The following RTCB variants were observed in gnomAD, a reference collection of about 807,000 sequenced individuals.
RTCB encodes RNA 2',3'-cyclic phosphate and 5'-OH ligase.
In RTCB, 32 loss-of-function variants were observed where a neutral mutation model predicts 58.2. The ratio of observed to expected loss-of-function variants is 0.55; its 90% CI spans 0.41 to 0.74. RTCB has a LOEUF of 0.74. RTCB is among the 30% of genes least tolerant of loss of function. The pLI is 0.00. For synonymous variants in RTCB, 247 were observed against 218.6 expected (o/e 1.13, Z -1.15); for missense variants, 523 against 639.0 (o/e 0.82, Z 1.96).
intron 10 of RTCB, among the ~76,000 whole-genome samples, chr22:32,393,451 A>C (rs898327708): frequency 1.3e-5 from 2 of 152,192 alleles, no homozygotes; most frequent in Non-Finnish European, 2.9e-5. Flanking sequence ...TGTAGACTGT[A>C]CATGGGCTCT....
intron 8 of RTCB, 28 bp downstream of exon 8, chr22:32,396,046 C>T (rs1049076193): frequency 5.0e-6 from 8 of 1,608,692 alleles, no homozygotes; most frequent in Admixed American, 1.7e-5. Context: ...ATGAATGACT[C>T]GGAACAGAAG....
In RTCB at chr22:32,399,755, A is replaced by T; in HGVS notation, c.502T>A (p.Leu168Met). 6.2e-7 allele frequency: 1 copy of T among 1,613,340 alleles called. No individual in the cohort carries two copies. Among genetic ancestry groups the T allele is most frequent in the Non-Finnish European group, 8.5e-7 (1 of 1,179,650 alleles). Residue 168 changes from leucine to methionine, a missense_variant, in exon 6 of 12, where the codon TTG (leucine) becomes ATG (methionine). Leu to Met is a conservative substitution (Grantham distance 15). Around this residue, in one of 3 missense-constraint regions of RTCB, gnomAD observed 141 missense variants for 216.7 expected, o/e 0.65. Coordinates refer to ENST00000216038, the MANE Select transcript of RTCB (RefSeq NM_014306.5). ...KGVIPMNAKD[L>M]EEALEMGVDW... ...ACCCCCATCTCCAAGGCCTCCTCCA[A>T]GTCTCTGGATAAGTATAAAAGGTGC...
chr22:32,396,308 A>T, intron 7 of RTCB, 59 bp from the exon 8 acceptor site: 5 of 1,525,974 alleles, frequency 3.3e-6, no homozygotes, highest in Non-Finnish European at 4.5e-6. Flanking sequence ...AACAGTTCAG[A>T]TTTACTGCAG....
In RTCB at chr22:32,408,374, T is replaced by A. The variant is rs1300108629; in HGVS notation, c.173-132A>T. Reference sequence around the variant, plus strand: ...ACTAAGACAACAAAGCCTAGAAGGATGTTTGAGATGCAAGATGGAAGGGAG... The same window carrying A: ...ACTAAGACAACAAAGCCTAGAAGGAAGTTTGAGATGCAAGATGGAAGGGAG... On this transcript the variant is annotated intron_variant, in intron 2 of 11. Coordinates refer to ENST00000216038, the MANE Select transcript of RTCB (RefSeq NM_014306.5). 9.9e-6 allele frequency: 7 copies of A among 709,356 alleles called. No individual in the cohort carries two copies. The Admixed American group carries it at 1.6e-4, about 16-fold the overall frequency. 43.9% of individuals were successfully genotyped at this position (709,356 alleles called of 1,614,324 possible). A position where few individuals can be genotyped will look rare whatever the true frequency, so the allele number is the denominator to read the frequency against.
intron 7 of RTCB, among the ~76,000 whole-genome samples, chr22:32,397,319 A>AAT (rs138679564): frequency 0.035 from 5,269 of 152,302 alleles, 288 homozygotes; most frequent in African/African-American, 0.12. Flanking sequence ...CTTTGTCACC[A>AAT]GTCTTTGTGT....
chr22:32,399,010 A>G (rs1219636087), intron 6 of RTCB, among the ~76,000 whole-genome samples: 2 of 152,224 alleles, frequency 1.3e-5, no homozygotes, highest in Non-Finnish European at 2.9e-5. Context: ...AATTTCAAAC[A>G]TCTAGTATAT....
Position 32,387,657 on chromosome 22 carries a change from A to T in RTCB, c.*335T>A, listed in dbSNP as rs185235154. ...ATGTAAACAGAGCTTGGTGTGAAGA[A>T]GATCAATCTGATGGCTAAAGATCAG... On this transcript the variant is annotated 3_prime_UTR_variant, in exon 12 of 12. Coordinates refer to ENST00000216038, the MANE Select transcript of RTCB (RefSeq NM_014306.5). The T allele has an allele frequency of 2.3e-4, 55 of 239,748 alleles. No homozygotes were observed. In the East Asian group the frequency reaches 4.1e-3, roughly 18 times the overall value. The allele number at this position is 239,748 out of a possible 1,614,324, so 14.9% of individuals were successfully genotyped here.
At chr22:32,401,947 T>A in intron 4 of RTCB, 44 bp from the exon 5 acceptor site, 1 of 1,591,598 alleles carries the variant, frequency 6.3e-7, no homozygotes, top group Non-Finnish European at 8.6e-7. Context: ...GGTAAGGCAC[T>A]GTTACCTGCA....
At chr22:32,392,212 T>G in intron 11 of RTCB, 28 bp downstream of exon 11, 2 of 1,598,364 alleles carry the variant, frequency 1.3e-6, no homozygotes, top group Non-Finnish European at 1.7e-6. Flanking sequence ...ACAATAAATA[T>G]TCATGTATTT....
chr22:32,389,883 C>T (rs917118522), intron 11 of RTCB, among the ~76,000 whole-genome samples: 10 of 152,162 alleles, frequency 6.6e-5, no homozygotes, highest in African/African-American at 2.4e-4. Context: ...TGCTCTGGCG[C>T]CCCCTACCTC....
chr22:32,411,988 TC>T, intron 1 of RTCB, 75 bp downstream of exon 1: 1 of 1,126,756 alleles, frequency 8.9e-7, no homozygotes, highest in Non-Finnish European at 1.3e-6. Flanking sequence ...TCAGGGGAGG[TC>T]CAGAGGGCGC....
At chr22:32,392,766 G>GA (rs571006296) in intron 10 of RTCB, among the ~76,000 whole-genome samples, 39 of 151,738 alleles carry the variant, frequency 2.6e-4, no homozygotes, top group Admixed American at 4.6e-4. Flanking sequence ...GAAACAATCA[G>GA]AAAAAAAAGT....
At chr22:32,408,144 TA>T in intron 3 of RTCB, 30 bp downstream of exon 3, 1 of 1,587,654 alleles carries the variant, frequency 6.3e-7, no homozygotes, top group Non-Finnish European at 8.6e-7. Context: ...TTAAGAAATA[TA>T]AATGATTAAA....
intron 7 of RTCB, 148 bp from the exon 8 acceptor site, chr22:32,396,397 C>T (rs1253107320): frequency 5.3e-6 from 4 of 754,656 alleles, no homozygotes; most frequent in Non-Finnish European, 8.5e-6. Context: ...TTTCTGAGTT[C>T]ATCTATTTGC....
Position 32,392,220 on chromosome 22 carries a change from TTTATCAAAATTTCAC to T in RTCB, c.1410+5_1410+19del. On this transcript the variant is annotated splice_donor_5th_base_variant and intron_variant, in intron 11 of 11. Coordinates refer to ENST00000216038, the MANE Select transcript of RTCB (RefSeq NM_014306.5). Reference sequence around the variant, plus strand: ...ATGGGGAACAATAAATATTCATGTATTTATCAAAATTTCACTTACCTCTTCCATAACCAGTTTGGG... The same window carrying T: ...ATGGGGAACAATAAATATTCATGTATTTACCTCTTCCATAACCAGTTTGGG... 1.2e-6 allele frequency: 2 copies of T among 1,602,842 alleles called. No individual in the cohort carries two copies. Among genetic ancestry groups the T allele is most frequent in the Non-Finnish European group, 1.7e-6 (2 of 1,174,618 alleles).
chr22:32,395,308 C>A (rs1157123860), intron 8 of RTCB, 94 bp from the exon 9 acceptor site: 8 of 1,042,360 alleles, frequency 7.7e-6, no homozygotes, highest in Admixed American at 7.5e-5. Context: ...GTAGTCTGTT[C>A]TGAAGGGAGT....
At position 32,408,635 on chromosome 22, in the gene RTCB, T is replaced by C. The variant is rs966747412; in HGVS notation, c.172+120A>G. On this transcript the variant is annotated intron_variant, in intron 2 of 11. Coordinates refer to ENST00000216038, the MANE Select transcript of RTCB (RefSeq NM_014306.5). ...AATAAGTAAGTGCTTTTGGTCTTAC[T>C]TTTAAGTTGTAATCACTCCTTGACA... 2.1e-5 allele frequency: 16 copies of C among 753,994 alleles called. No homozygotes were observed. In the South Asian group the frequency reaches 2.6e-4, roughly 12 times the overall value. 46.7% of individuals were successfully genotyped at this position (753,994 alleles called of 1,614,324 possible).
Position 32,396,102 on chromosome 22 carries a change from C to T in RTCB, c.962G>A (p.Arg321His), listed in dbSNP as rs1435984780. The change falls in exon 8 of 12, where the codon CGC becomes CAC. Residue 321 changes from arginine to histidine, a missense_variant. This residue lies in a region of RTCB where 248 missense variants were observed against 292.5 expected (regional missense o/e 0.85). Transcript: ENST00000216038. Reference protein sequence around the residue: ...AAAGNYAWVNRSSMTFLTRQA... With the variant: ...AAAGNYAWVNHSSMTFLTRQA... ...ACGGGTTAAGAAGGTCATGGAAGAG[C>T]GGTTGACCCAGGCATAGTTCCCAGC... is the stretch of plus-strand genomic sequence containing the variant. The T allele has an allele frequency of 1.9e-6, 3 of 1,613,986 alleles. No individual in the cohort carries two copies. Among genetic ancestry groups the T allele is most frequent in the Non-Finnish European group, 2.5e-6 (3 of 1,179,994 alleles).
At chr22:32,391,161 C>T (rs967809496) in intron 11 of RTCB, among the ~76,000 whole-genome samples, 8 of 152,196 alleles carry the variant, frequency 5.3e-5, no homozygotes, top group African/African-American at 1.9e-4. Flanking sequence ...TGCATGAAGA[C>T]ACTCATTACA....
Sources: gnomAD v4.1 joint callset for allele counts (sites outside exome capture counted in the v4.1 genomes callset) on GRCh38, gnomAD v4.1.1 for gene constraint, gnomAD v4.1.1 regional missense constraint, MANE v1.5 for transcripts, NCBI Gene and HGNC (gene_info 2026-07-23, HGNC 2026-07-21) for gene names.